The following REDIC1 variants were observed in gnomAD, a reference collection of about 807,000 sequenced individuals.
The protein encoded by REDIC1 is HEI10 Interacting Protein 1.
the REDIC1 span, among the ~76,000 whole-genome samples, chr12:39,678,629 C>CAAAAAAAAAAAAAAAAAAA: frequency 1.0e-5 from 1 of 96,232 alleles, no homozygotes; most frequent in Non-Finnish European, 2.1e-5. Context: ...AAAGGCATAA[C>CAAAAAAAAAAAAAAAAAAA]AAAAAAAAAA....
the REDIC1 span, among the ~76,000 whole-genome samples, chr12:39,688,311 CAGG>C: frequency 6.6e-6 from 1 of 152,050 alleles, no homozygotes; most frequent in African/African-American, 2.4e-5. Context: ...CATCTGTAAA[CAGG>C]AGGAAGATGT....
At chr12:39,734,251 A>T in the REDIC1 span, among the ~76,000 whole-genome samples, 1 of 152,132 alleles carries the variant, frequency 6.6e-6, no homozygotes, top group Admixed American at 6.5e-5. Context: ...CTGTCTAACC[A>T]GTCCCAGTAG....
the REDIC1 span, among the ~76,000 whole-genome samples, chr12:39,899,827 T>C: frequency 1.3e-5 from 2 of 152,172 alleles, no homozygotes; most frequent in African/African-American, 4.8e-5. Context: ...CTAGTTTGAT[T>C]GCACTGTGGT....
chr12:39,867,691 G>A, the REDIC1 span, among the ~76,000 whole-genome samples: 125 of 152,126 alleles, frequency 8.2e-4, no homozygotes, highest in African/African-American at 2.9e-3. Context: ...ATTTTATTTT[G>A]GCCCATTTTG....
chr12:39,760,170 T>A, the REDIC1 span: 1 of 1,612,938 alleles, frequency 6.2e-7, no homozygotes, highest in South Asian at 1.1e-5. Flanking sequence ...TTTCCTCTAA[T>A]TTTTTGCCTT....
At chr12:39,839,904 G>A in the REDIC1 span, among the ~76,000 whole-genome samples, 2 of 152,034 alleles carry the variant, frequency 1.3e-5, no homozygotes, top group African/African-American at 2.4e-5. Context: ...CAAACCTATT[G>A]TTCCTTTTGT....
chr12:39,777,195 T>C, the REDIC1 span, among the ~76,000 whole-genome samples: 2 of 152,194 alleles, frequency 1.3e-5, no homozygotes, highest in South Asian at 2.1e-4. Flanking sequence ...CTTGCCATAA[T>C]GAGCCAATCA....
chr12:39,882,087 A>AT, the REDIC1 span, among the ~76,000 whole-genome samples: 1 of 152,236 alleles, frequency 6.6e-6, no homozygotes, highest in South Asian at 2.1e-4. Context: ...TGTAGACTTT[A>AT]TTCCAGACAC....
the REDIC1 span, chr12:39,757,574 T>C: frequency 2.6e-5 from 4 of 151,790 alleles, no homozygotes; most frequent in Admixed American, 1.3e-4. Flanking sequence ...TCTTATACTG[T>C]GCCTCTCTGT....
At chr12:39,896,447 T>TGTAC in the REDIC1 span, among the ~76,000 whole-genome samples, 1 of 133,604 alleles carries the variant, frequency 7.5e-6, no homozygotes, top group African/African-American at 2.9e-5. Context: ...CATATATGTA[T>TGTAC]ATGTGTGTAT....
chr12:39,763,143 T>C, the REDIC1 span, among the ~76,000 whole-genome samples: 1 of 152,054 alleles, frequency 6.6e-6, no homozygotes, highest in African/African-American at 2.4e-5. Flanking sequence ...TGAAGATAAG[T>C]TTATGAATTT....
the REDIC1 span, among the ~76,000 whole-genome samples, chr12:39,745,385 T>C: frequency 7.2e-5 from 11 of 152,100 alleles, no homozygotes; most frequent in East Asian, 1.9e-3. Flanking sequence ...TGGCACCAAC[T>C]AAGCTTGGTC....
At chr12:39,739,443 A>T in the REDIC1 span, among the ~76,000 whole-genome samples, 2 of 152,176 alleles carry the variant, frequency 1.3e-5, no homozygotes, top group Non-Finnish European at 2.9e-5. Context: ...CACACATTAG[A>T]AGAAAAGATA....
At chr12:39,728,708 T>C in the REDIC1 span, among the ~76,000 whole-genome samples, 1 of 151,940 alleles carries the variant, frequency 6.6e-6, no homozygotes, top group African/African-American at 2.4e-5. Context: ...TTGGAGTAGT[T>C]TCAGAAGGAA....
chr12:39,713,633 ACATATG>A, the REDIC1 span, among the ~76,000 whole-genome samples: 1 of 149,748 alleles, frequency 6.7e-6, no homozygotes, highest in Non-Finnish European at 1.5e-5. Context: ...TGTATACAGT[ACATATG>A]TATATATACC....
the REDIC1 span, among the ~76,000 whole-genome samples, chr12:39,637,054 C>G: frequency 1.3e-5 from 2 of 151,930 alleles, no homozygotes; most frequent in East Asian, 3.9e-4. Flanking sequence ...CCCTCTCCCT[C>G]TACTCCTTTT....
the REDIC1 span, among the ~76,000 whole-genome samples, chr12:39,899,923 G>A: frequency 1.3e-3 from 203 of 152,158 alleles, 1 homozygote; most frequent in African/African-American, 4.8e-3. Flanking sequence ...TTTTGGAATA[G>A]GTGTGGGGTG....
At chr12:39,905,822 GA>G in the REDIC1 span, among the ~76,000 whole-genome samples, 3 of 145,402 alleles carry the variant, frequency 2.1e-5, no homozygotes, top group African/African-American at 5.0e-5. Context: ...AAAATGCCCA[GA>G]AAAAAAAAAA....
chr12:39,711,394 C>CAT, the REDIC1 span, among the ~76,000 whole-genome samples: 1 of 143,664 alleles, frequency 7.0e-6, no homozygotes, highest in South Asian at 2.2e-4. Context: ...TATGTGTGTA[C>CAT]ATATACACAT....
Sources: gnomAD v4.1 joint callset for allele counts (sites outside exome capture counted in the v4.1 genomes callset) on GRCh38, gnomAD v4.1.1 for gene constraint, MANE v1.5 for transcripts, NCBI Gene and HGNC (gene_info 2026-07-23, HGNC 2026-07-21) for gene names.